Variants in MYH11 observed in about 807,000 individuals in gnomAD.
The protein encoded by MYH11 is myosin heavy chain 11.
Under a neutral mutation model 246.6 loss-of-function variants are expected in MYH11, and 80 were observed. The ratio of observed to expected loss-of-function variants is 0.32; its 90% CI spans 0.27 to 0.39. The LOEUF (loss-of-function observed/expected upper bound fraction) is 0.39. MYH11 is among the 10% of genes least tolerant of loss of function. MYH11 has a pLI of 1.00. For missense variants in MYH11, 2,158 were observed against 2,546.8 expected (o/e 0.85, Z 3.29); for synonymous variants, 1,071 against 1,015.5 (o/e 1.05, Z -1.04).
chr16:15,759,272 G>A (rs970337265), intron 12 of MYH11, among the ~76,000 whole-genome samples: 5 of 151,346 alleles, frequency 3.3e-5, no homozygotes, highest in Admixed American at 2.0e-4. Context: ...GCCCCCGTGA[G>A]GGGAGAGCCT....
chr16:15,708,829 T>A, intron 40 of MYH11: 1 of 1,605,788 alleles, frequency 6.2e-7, no homozygotes, highest in Non-Finnish European at 8.5e-7. Context: ...AAGTTTCCTG[T>A]GGGGGGGGCC....
intron 1 of MYH11, among the ~76,000 whole-genome samples, chr16:15,842,411 T>C (rs2044076398): frequency 6.6e-6 from 1 of 151,384 alleles, no homozygotes; most frequent in African/African-American, 2.4e-5. Context: ...AAAACAAACC[T>C]GGAAGTTGAT....
At chr16:15,756,284 C>A (rs2041713531) in intron 14 of MYH11, 57 bp downstream of exon 14, 3 of 1,590,530 alleles carry the variant, frequency 1.9e-6, no homozygotes, top group African/African-American at 2.7e-5. Context: ...TGTCTCTGCG[C>A]TGAGCAGCCA....
chr16:15,763,935 C>T, intron 9 of MYH11, 44 bp from the exon 10 acceptor site: 1 of 1,516,878 alleles, frequency 6.6e-7, no homozygotes, highest in Non-Finnish European at 9.2e-7. Flanking sequence ...AAGGTCAATG[C>T]CAAGGTACCC....
intron 16 of MYH11, chr16:15,749,051 C>G (rs888320945): frequency 6.6e-6 from 1 of 152,362 alleles, no homozygotes; most frequent in Non-Finnish European, 1.5e-5. Context: ...TAGCCCCTGC[C>G]TACCCATTCA....
intron 25 of MYH11, 44 bp from the exon 26 acceptor site, chr16:15,735,622 G>C (rs527625723): frequency 6.2e-7 from 1 of 1,608,540 alleles, no homozygotes; most frequent in Admixed American, 1.7e-5. Flanking sequence ...AGGTCCCTTG[G>C]TTTCCTCTCT....
intron 3 of MYH11, among the ~76,000 whole-genome samples, chr16:15,820,624 C>A (rs2043385981): frequency 1.3e-5 from 2 of 152,078 alleles, no homozygotes; most frequent in Non-Finnish European, 2.9e-5. Context: ...ACTGGTGACC[C>A]ATCAAATAAA....
chr16:15,720,451 G>T, intron 33 of MYH11, 139 bp from the exon 34 acceptor site: 3 of 1,251,540 alleles, frequency 2.4e-6, no homozygotes, highest in Non-Finnish European at 3.4e-6. Flanking sequence ...TTGCAGATGA[G>T]AAAACGGAAT....
chr16:15,780,762 T>G (rs1279715931), intron 6 of MYH11, among the ~76,000 whole-genome samples: 2 of 151,786 alleles, frequency 1.3e-5, no homozygotes, highest in African/African-American at 4.8e-5. Flanking sequence ...GGTTTACAGG[T>G]GTGAGCCACT....
chr16:15,713,671 T>A lies in MYH11; in HGVS notation c.5786+1238A>T, dbSNP rs1209065376. The A allele has an allele frequency of 4.6e-5, 7 of 152,238 alleles. 1 individual carries two copies. The highest frequency in any genetic ancestry group is 3.9e-4 in the Admixed American group (6 of 15,266). 9.4% of individuals were successfully genotyped at this position (152,238 alleles called of 1,614,324 possible). On this transcript the variant is annotated intron_variant, in intron 40 of 40. Transcript: ENST00000300036. ...CCATCCCACCTGGCTGATTTTTGTT[T>A]GTTTGTTGTAGAGATGGGGTCTTGC...
chr16:15,711,034 A>C (rs2039761831), intron 40 of MYH11: 1 of 152,212 alleles, frequency 6.6e-6, no homozygotes, highest in South Asian at 2.1e-4. Context: ...ACCCTGGGAG[A>C]TGCTTCCAGG....
chr16:15,763,741 T>TCGGGCCCCC, intron 10 of MYH11, 55 bp downstream of exon 10: 11 of 646,824 alleles, frequency 1.7e-5, no homozygotes, highest in East Asian at 3.2e-5. Context: ...AAATGTCACC[T>TCGGGCCCCC]CCCCCACCCC....
chr16:15,788,856 G>A (rs2042544518), intron 4 of MYH11, among the ~76,000 whole-genome samples: 1 of 150,322 alleles, frequency 6.7e-6, no homozygotes, highest in Non-Finnish European at 1.5e-5. Context: ...GAGGAGAACT[G>A]GCCAGGTGCA....
At chr16:15,819,216 C>G (rs2043340443) in intron 3 of MYH11, among the ~76,000 whole-genome samples, 1 of 152,186 alleles carries the variant, frequency 6.6e-6, no homozygotes, top group South Asian at 2.1e-4. Flanking sequence ...GTCAAGTGAG[C>G]ATTTCTAAGT....
At chr16:15,721,801 T>C in intron 31 of MYH11, 167 bp from the exon 32 acceptor site, 2 of 694,316 alleles carry the variant, frequency 2.9e-6, no homozygotes, top group Admixed American at 2.5e-5. Context: ...GCGTTCTGAC[T>C]TCTACATCAA....
intron 1 of MYH11, among the ~76,000 whole-genome samples, chr16:15,844,667 G>A (rs1431713531): frequency 1.3e-5 from 2 of 152,100 alleles, no homozygotes; most frequent in Non-Finnish European, 2.9e-5. Flanking sequence ...ACCAGACTGG[G>A]CATTATAGCA....
intron 2 of MYH11, among the ~76,000 whole-genome samples, chr16:15,833,065 G>C (rs1250162976): frequency 8.6e-5 from 12 of 139,036 alleles, no homozygotes; most frequent in African/African-American, 3.3e-4. Flanking sequence ...GGAGGCCGAA[G>C]TGGTGAAGAT....
chr16:15,726,762 A>C (rs2040782927), intron 28 of MYH11, 86 bp downstream of exon 28: 1 of 1,494,420 alleles, frequency 6.7e-7, no homozygotes, highest in Non-Finnish European at 9.2e-7. Context: ...AGCAAGAGAG[A>C]CCTCAGCGAG....
intron 1 of MYH11, among the ~76,000 whole-genome samples, chr16:15,846,494 G>A (rs1049121730): frequency 2.6e-5 from 4 of 152,114 alleles, no homozygotes; most frequent in Non-Finnish European, 4.4e-5. Context: ...GGCTTGTGAG[G>A]GTTGACCTCT....
Sources: gnomAD v4.1 joint callset for allele counts (sites outside exome capture counted in the v4.1 genomes callset) on GRCh38, gnomAD v4.1.1 for gene constraint, MANE v1.5 for transcripts, NCBI Gene and HGNC (gene_info 2026-07-23, HGNC 2026-07-21) for gene names.